Variants in LMBR1 observed in about 807,000 individuals in gnomAD.
LMBR1 encodes limb development membrane protein 1, also known as limb region 1 protein homolog.
In LMBR1, 52 loss-of-function variants were observed where a neutral mutation model predicts 73.9. That is an observed-to-expected ratio of 0.70 (90% CI 0.56 to 0.89). LMBR1 has a LOEUF of 0.89. LMBR1 is among the 40% of genes least tolerant of loss of function. The pLI is 0.00. For missense variants in LMBR1, 539 were observed against 579.8 expected, an observed-to-expected ratio of 0.93 and a Z score of 0.72; for synonymous variants, 215 against 209.4, an observed-to-expected ratio of 1.03 and a Z score of -0.23.
intron 4 of LMBR1, chr7:156,823,493 C>G (rs956512033): frequency 2.0e-5 from 3 of 152,174 alleles, no homozygotes; most frequent in African/African-American, 7.2e-5. Context: ...AGATGCTCAA[C>G]AACAGTTTAC....
chr7:156,672,938 T>C (rs927452106), downstream of LMBR1, among the ~76,000 whole-genome samples: 5 of 152,240 alleles, frequency 3.3e-5, no homozygotes, highest in African/African-American at 7.2e-5. Context: ...CAGAATCACC[T>C]GGAGGGCTGT....
At chr7:156,854,143 A>T (rs1796626883) in intron 1 of LMBR1, among the ~76,000 whole-genome samples, 1 of 152,182 alleles carries the variant, frequency 6.6e-6, no homozygotes, top group Non-Finnish European at 1.5e-5. Flanking sequence ...AAAACTGAAC[A>T]AACTGAAAGT....
intron 15 of LMBR1, among the ~76,000 whole-genome samples, chr7:156,697,201 G>A (rs1808474040): frequency 1.3e-5 from 2 of 152,204 alleles, no homozygotes; most frequent in Non-Finnish European, 2.9e-5. Context: ...AGAACAGGGA[G>A]TAGGTACAAA....
intron 3 of LMBR1, among the ~76,000 whole-genome samples, chr7:156,830,176 C>T (rs960189935): frequency 6.6e-6 from 1 of 152,156 alleles, no homozygotes; most frequent in Non-Finnish European, 1.5e-5. Flanking sequence ...CCCTCTTCCT[C>T]ATTTTTCAAT....
chr7:156,717,959 G>A (rs949250477), intron 15 of LMBR1, among the ~76,000 whole-genome samples: 12 of 152,110 alleles, frequency 7.9e-5, no homozygotes, highest in East Asian at 1.9e-4. Context: ...TAGAAGTGGC[G>A]GCCGGATCTC....
intron 1 of LMBR1, among the ~76,000 whole-genome samples, chr7:156,837,416 A>C (rs1462085988): frequency 2.6e-5 from 4 of 151,854 alleles, no homozygotes; most frequent in African/African-American, 9.7e-5. Flanking sequence ...ATTTGAAAAA[A>C]AAAAAAAGCC....
In LMBR1 at chr7:156,849,128, T is replaced by C. The variant is rs368519885; in HGVS notation, c.67-12243A>G. Among the ~76,000 whole-genome samples the C allele has an allele frequency of 1.4e-4, 21 of 152,146 alleles. No individual in the cohort carries two copies. The East Asian group carries it at 3.5e-3, about 25-fold the overall frequency. On this transcript the variant is annotated intron_variant, in intron 1 of 16. Coordinates refer to ENST00000353442, the MANE Select transcript of LMBR1 (RefSeq NM_022458.4). ...ACCTAAATGACCATCAACAGTAGAATGGATAAAGAAAATGTGGTATGTACA... is the reference window on the plus strand; with the variant it reads ...ACCTAAATGACCATCAACAGTAGAACGGATAAAGAAAATGTGGTATGTACA...
chr7:156,830,062 A>G (rs1836405300), intron 3 of LMBR1, among the ~76,000 whole-genome samples: 1 of 152,182 alleles, frequency 6.6e-6, no homozygotes, highest in Non-Finnish European at 1.5e-5. Flanking sequence ...GGTCAAATCC[A>G]TCAGATCCTT....
At chr7:156,824,126 CAATA>C (rs1563457088) in intron 4 of LMBR1, among the ~76,000 whole-genome samples, 1 of 140,616 alleles carries the variant, frequency 7.1e-6, no homozygotes, top group Admixed American at 7.2e-5. Flanking sequence ...ACAACAACAA[CAATA>C]TATATATACA....
intron 9 of LMBR1, among the ~76,000 whole-genome samples, chr7:156,753,709 A>G (rs1343391872): frequency 1.3e-5 from 2 of 152,110 alleles, no homozygotes; most frequent in Non-Finnish European, 2.9e-5. Context: ...ATTAGTCCTG[A>G]CAGTCCCAAA....
intron 2 of LMBR1, 132 bp from the exon 3 acceptor site, chr7:156,833,924 T>C: frequency 3.3e-6 from 2 of 609,954 alleles, no homozygotes; most frequent in Non-Finnish European, 5.6e-6. Flanking sequence ...AAAAGCACTG[T>C]ATTTGTTTCA....
chr7:156,796,362 T>C (rs1563380662), intron 5 of LMBR1, 27 bp downstream of exon 5: 1 of 1,484,830 alleles, frequency 6.7e-7, no homozygotes. Context: ...ACTTAACCAA[T>C]TTAATTCCAA....
intron 15 of LMBR1, among the ~76,000 whole-genome samples, chr7:156,700,556 TA>T (rs963817171): frequency 1.3e-4 from 20 of 151,562 alleles, no homozygotes; most frequent in Admixed American, 7.2e-4. Context: ...TAATAAAATT[TA>T]AAAAAAAATC....
At chr7:156,855,828 C>T (rs182753474) in intron 1 of LMBR1, among the ~76,000 whole-genome samples, 3 of 152,204 alleles carry the variant, frequency 2.0e-5, no homozygotes, top group Non-Finnish European at 4.4e-5. Context: ...TCTTCAGAAA[C>T]CATGCAAGCA....
At chr7:156,817,034 T>C (rs1039493504) in intron 4 of LMBR1, among the ~76,000 whole-genome samples, 1 of 152,120 alleles carries the variant, frequency 6.6e-6, no homozygotes, top group Non-Finnish European at 1.5e-5. Flanking sequence ...AGAAACCTAT[T>C]TGAAAGATAT....
At chr7:156,857,717 T>C (rs546465650) in intron 1 of LMBR1, among the ~76,000 whole-genome samples, 1 of 152,322 alleles carries the variant, frequency 6.6e-6, no homozygotes, top group African/African-American at 2.4e-5. Flanking sequence ...TCATAAAGAA[T>C]ACCTTAACAA....
intron 4 of LMBR1, among the ~76,000 whole-genome samples, chr7:156,799,837 G>T (rs1830638762): frequency 1.3e-5 from 2 of 152,344 alleles, no homozygotes; most frequent in East Asian, 3.9e-4. Context: ...ACACACAAAT[G>T]ACAAGAAAGC....
chr7:156,682,291 TGTAA>T lies in LMBR1; in HGVS notation c.*1783_*1786del, dbSNP rs969106154. On this transcript the variant is annotated 3_prime_UTR_variant, in exon 17 of 17. Coordinates refer to ENST00000353442, the MANE Select transcript of LMBR1 (RefSeq NM_022458.4). ...ACTCTTTGGATGTGCCTGAAAGTGG[TGTAA>T]GTGAGAAGTGATATTACTCTACTCC... 1.3e-5 allele frequency: 2 copies of T among 151,146 alleles called. No homozygotes were observed. The highest frequency in any genetic ancestry group is 6.6e-5 in the Admixed American group (1 of 15,190). The allele number at this position is 151,146 out of a possible 1,614,324, so 9.4% of individuals were successfully genotyped here. A position where few individuals can be genotyped will look rare whatever the true frequency, so the allele number is the denominator to read the frequency against.
intron 1 of LMBR1, among the ~76,000 whole-genome samples, chr7:156,890,895 A>G (rs1167686920): frequency 6.6e-6 from 1 of 152,198 alleles, no homozygotes; most frequent in Non-Finnish European, 1.5e-5. Flanking sequence ...GCTATGTACA[A>G]AAAGTTCATA....
Sources: allele counts gnomAD v4.1 joint callset (sites outside exome capture counted in the v4.1 genomes callset), GRCh38; gene constraint gnomAD v4.1.1; transcripts MANE v1.5; gene names NCBI Gene and HGNC (gene_info 2026-07-23, HGNC 2026-07-21).